The following GABRB1 variants were observed in gnomAD, a reference collection of about 807,000 sequenced individuals.
GABRB1 encodes gamma-aminobutyric acid receptor subunit beta-1.
GABRB1 carries 17 observed loss-of-function variants against 51.6 expected under a neutral mutation model. The observed-to-expected ratio is 0.33, with a 90% CI of 0.23 to 0.49. GABRB1 has a LOEUF of 0.49. GABRB1 is among the 20% of genes least tolerant of loss of function. The pLI, the probability that GABRB1 is intolerant of heterozygous loss-of-function variation, is 0.99. For missense variants in GABRB1, 410 were observed against 600.6 expected (o/e 0.68, Z 3.32); for synonymous variants, 247 against 218.9 (o/e 1.13, Z -1.14).
intron 4 of GABRB1, among the ~76,000 whole-genome samples, chr4:47,268,962 A>G (rs1722749617): frequency 6.6e-6 from 1 of 152,176 alleles, no homozygotes; most frequent in Non-Finnish European, 1.5e-5. Flanking sequence ...CAAAATGAAA[A>G]CCCAAGCTGT....
At chr4:47,054,229 G>C (rs1226685611) in intron 3 of GABRB1, among the ~76,000 whole-genome samples, 1 of 151,990 alleles carries the variant, frequency 6.6e-6, no homozygotes, top group Non-Finnish European at 1.5e-5. Flanking sequence ...GTTACAGGCA[G>C]AACCTTGAAC....
chr4:47,198,418 C>T (rs1719775818), intron 4 of GABRB1, among the ~76,000 whole-genome samples: 2 of 152,122 alleles, frequency 1.3e-5, no homozygotes, highest in African/African-American at 4.8e-5. Flanking sequence ...CGTAGATTGT[C>T]TTGAAGGAAC....
At chr4:47,141,501 G>T (rs1716931985) in intron 3 of GABRB1, among the ~76,000 whole-genome samples, 1 of 151,984 alleles carries the variant, frequency 6.6e-6, no homozygotes, top group South Asian at 2.1e-4. Flanking sequence ...TGGCAGCTGG[G>T]GAAATAAGTA....
intron 4 of GABRB1, among the ~76,000 whole-genome samples, chr4:47,294,572 C>T (rs1454033926): frequency 2.0e-5 from 3 of 152,258 alleles, no homozygotes; most frequent in African/African-American, 4.8e-5. Context: ...CGCCATTGCC[C>T]AGGCTTGCTT....
At chr4:47,345,118 C>T (rs1254265290) in intron 5 of GABRB1, among the ~76,000 whole-genome samples, 1 of 152,136 alleles carries the variant, frequency 6.6e-6, no homozygotes, top group East Asian at 1.9e-4. Context: ...ATGTGTCTTC[C>T]CTCTTTCCTG....
At chr4:47,406,396 GATCTGCTTTTCC>G (rs1728568315) in intron 7 of GABRB1, among the ~76,000 whole-genome samples, 1 of 152,196 alleles carries the variant, frequency 6.6e-6, no homozygotes, top group South Asian at 2.1e-4. Context: ...ATGGGATTTT[GATCTGCTTTTCC>G]ATCTGCTTTT....
chr4:47,105,908 T>G (rs1714947695), intron 3 of GABRB1, among the ~76,000 whole-genome samples: 1 of 152,030 alleles, frequency 6.6e-6, no homozygotes, highest in East Asian at 1.9e-4. Flanking sequence ...CATTGAAAAT[T>G]TTAGTTGAGT....
chr4:47,175,115 C>T (rs933296188), intron 4 of GABRB1, among the ~76,000 whole-genome samples: 1 of 147,456 alleles, frequency 6.8e-6, no homozygotes, highest in Non-Finnish European at 1.5e-5. Context: ...CTTCCTCTTC[C>T]TTCCCCTTCT....
At chr4:47,116,357 C>T (rs193057761) in intron 3 of GABRB1, among the ~76,000 whole-genome samples, 44 of 152,284 alleles carry the variant, frequency 2.9e-4, no homozygotes, top group African/African-American at 9.4e-4. Flanking sequence ...ATATCATTCA[C>T]TTACAAAGTA....
At chr4:47,416,298 G>C (rs1389191187) in intron 8 of GABRB1, among the ~76,000 whole-genome samples, 2 of 152,084 alleles carry the variant, frequency 1.3e-5, no homozygotes, top group Admixed American at 6.6e-5. Flanking sequence ...AGAGCAGCCT[G>C]GTAGGAAATG....
At position 47,422,029 on chromosome 4, in the gene GABRB1, T is replaced by G. The variant is rs543367443; in HGVS notation, c.1081-3645T>G. ...TTAGTAATGTCAAATTTCATGCACA[T>G]GACTTTTTCAATTATAGACATACAG... On this transcript the variant is annotated intron_variant, in intron 8 of 8. Coordinates refer to ENST00000295454, the MANE Select transcript of GABRB1 (RefSeq NM_000812.4). 2.4e-4 allele frequency among the ~76,000 whole-genome samples: 36 copies of G among 152,206 alleles called. No individual in the cohort carries two copies. The East Asian group carries it at 7.0e-3, about 29-fold the overall frequency.
chr4:47,386,388 G>A (rs1727795427), intron 5 of GABRB1, among the ~76,000 whole-genome samples: 1 of 152,156 alleles, frequency 6.6e-6, no homozygotes, highest in Admixed American at 6.5e-5. Context: ...CTTTGACTAT[G>A]AAGACAAATA....
At chr4:47,402,350 G>A (rs949489052) in intron 5 of GABRB1, among the ~76,000 whole-genome samples, 5 of 151,832 alleles carry the variant, frequency 3.3e-5, no homozygotes, top group African/African-American at 1.2e-4. Context: ...CAATTCTAAT[G>A]GAAAAAAAGA....
chr4:47,252,705 A>G (rs980252602), intron 4 of GABRB1, among the ~76,000 whole-genome samples: 3 of 151,616 alleles, frequency 2.0e-5, no homozygotes, highest in African/African-American at 7.3e-5. Context: ...ACGGGCTTTC[A>G]CCATATTGGC....
chr4:47,187,445 C>T (rs904314693), intron 4 of GABRB1, among the ~76,000 whole-genome samples: 1 of 151,856 alleles, frequency 6.6e-6, no homozygotes, highest in African/African-American at 2.4e-5. Context: ...GTCCTTGTTT[C>T]TTTACAACAG....
intron 5 of GABRB1, among the ~76,000 whole-genome samples, chr4:47,393,837 C>CTG (rs1560366281): frequency 5.3e-5 from 8 of 152,230 alleles, no homozygotes; most frequent in African/African-American, 1.9e-4. Context: ...TAAGGCCACA[C>CTG]CTAACCCACT....
intron 5 of GABRB1, among the ~76,000 whole-genome samples, chr4:47,340,742 C>G (rs760130092): frequency 6.6e-6 from 1 of 152,112 alleles, no homozygotes; most frequent in Non-Finnish European, 1.5e-5. Flanking sequence ...CACAAACACT[C>G]AGGCCATAGC....
intron 3 of GABRB1, among the ~76,000 whole-genome samples, chr4:47,132,197 G>C (rs1413597241): frequency 6.6e-6 from 1 of 151,666 alleles, no homozygotes; most frequent in Non-Finnish European, 1.5e-5. Flanking sequence ...TTACAGTTTT[G>C]TTTTCATTTT....
At chr4:47,166,079 G>T (rs971237474) in intron 4 of GABRB1, among the ~76,000 whole-genome samples, 1 of 150,712 alleles carries the variant, frequency 6.6e-6, no homozygotes, top group Non-Finnish European at 1.5e-5. Context: ...ATCTTATTTC[G>T]CCTAGAAAAA....
Sources: allele counts gnomAD v4.1 joint callset (sites outside exome capture counted in the v4.1 genomes callset), GRCh38; gene constraint gnomAD v4.1.1; transcripts MANE v1.5; gene names NCBI Gene and HGNC (gene_info 2026-07-23, HGNC 2026-07-21).